Variants in ZNF804B observed in about 807,000 individuals in gnomAD.
ZNF804B encodes zinc finger protein 804B.
In ZNF804B, 80 loss-of-function variants were observed where a neutral mutation model predicts 101.4. The observed-to-expected ratio is 0.79, with a 90% CI of 0.66 to 0.95. The LOEUF is 0.95. Among genes scored for constraint, ZNF804B ranks in the 40% least tolerant of loss-of-function variants. ZNF804B has a pLI of 0.00. For missense variants in ZNF804B, 1,673 were observed against 1,561.9 expected (o/e 1.07, Z -1.20); for synonymous variants, 622 against 558.8 (o/e 1.11, Z -1.59).
chr7:89,304,559 G>T (rs1051598540), intron 2 of ZNF804B, among the ~76,000 whole-genome samples: 1 of 150,638 alleles, frequency 6.6e-6, no homozygotes, highest in African/African-American at 2.4e-5. Flanking sequence ...GTGTCTATCT[G>T]TGTAGACATA....
At chr7:88,775,547 T>G (rs1276922826) in intron 1 of ZNF804B, among the ~76,000 whole-genome samples, 1 of 152,230 alleles carries the variant, frequency 6.6e-6, no homozygotes, top group African/African-American at 2.4e-5. Context: ...CCATGACTTT[T>G]TTGTTGTTGT....
At chr7:88,835,675 T>C (rs910515274) in intron 1 of ZNF804B, among the ~76,000 whole-genome samples, 2 of 151,904 alleles carry the variant, frequency 1.3e-5, no homozygotes, top group Non-Finnish European at 2.9e-5. Flanking sequence ...ACTTCGATAG[T>C]AGATATTTGC....
intron 1 of ZNF804B, among the ~76,000 whole-genome samples, chr7:88,810,190 C>T (rs932214000): frequency 6.6e-6 from 1 of 151,876 alleles, no homozygotes; most frequent in Admixed American, 6.6e-5. Context: ...GTTGCACACT[C>T]TCACTCACAC....
intron 1 of ZNF804B, among the ~76,000 whole-genome samples, chr7:88,845,779 T>C (rs1429524521): frequency 6.6e-6 from 1 of 152,202 alleles, no homozygotes; most frequent in African/African-American, 2.4e-5. Flanking sequence ...AGTTTGCAAC[T>C]GATTGCTGGT....
chr7:88,792,503 A>T (rs1313007088), intron 1 of ZNF804B, among the ~76,000 whole-genome samples: 1 of 151,974 alleles, frequency 6.6e-6, no homozygotes, highest in Non-Finnish European at 1.5e-5. Flanking sequence ...CTCCCAAACC[A>T]CTTTCACATT....
chr7:89,146,602 T>C (rs1009327352), intron 1 of ZNF804B, among the ~76,000 whole-genome samples: 2 of 152,044 alleles, frequency 1.3e-5, no homozygotes, highest in Non-Finnish European at 2.9e-5. Flanking sequence ...AGAAGTTCTT[T>C]CAGCTTTCCT....
chr7:89,052,072 A>G (rs1789214777), intron 1 of ZNF804B, among the ~76,000 whole-genome samples: 2 of 152,136 alleles, frequency 1.3e-5, no homozygotes, highest in East Asian at 1.9e-4. Context: ...TGGATTATGC[A>G]TTTTCTTTCA....
intron 2 of ZNF804B, among the ~76,000 whole-genome samples, chr7:89,254,269 ATAT>A (rs1789590648): frequency 6.6e-6 from 1 of 152,140 alleles, no homozygotes; most frequent in Non-Finnish European, 1.5e-5. Context: ...TACTAGATAA[ATAT>A]TAATATTCAG....
chr7:89,223,355 C>A (rs894741436), intron 2 of ZNF804B, among the ~76,000 whole-genome samples: 14 of 151,836 alleles, frequency 9.2e-5, no homozygotes, highest in Middle Eastern at 6.3e-3. Context: ...GCTTTTCCTT[C>A]ATTCATGTAT....
At chr7:89,029,080 C>A (rs1228778981) in intron 1 of ZNF804B, among the ~76,000 whole-genome samples, 1 of 152,010 alleles carries the variant, frequency 6.6e-6, no homozygotes, top group East Asian at 1.9e-4. Flanking sequence ...TGAATAATAG[C>A]TGAATGTTTT....
At chr7:89,097,769 G>C (rs1251944967) in intron 1 of ZNF804B, among the ~76,000 whole-genome samples, 2 of 152,104 alleles carry the variant, frequency 1.3e-5, no homozygotes, top group African/African-American at 2.4e-5. Context: ...ATTTGTGAGA[G>C]GGTTTCTTGA....
intron 1 of ZNF804B, among the ~76,000 whole-genome samples, chr7:89,048,693 G>T (rs1351249712): frequency 2.0e-5 from 3 of 151,840 alleles, no homozygotes; most frequent in African/African-American, 4.9e-5. Flanking sequence ...ATTATGTAAA[G>T]ATTATAGAGA....
chr7:89,276,791 T>C (rs1338547097), intron 2 of ZNF804B, among the ~76,000 whole-genome samples: 1 of 151,920 alleles, frequency 6.6e-6, no homozygotes, highest in African/African-American at 2.4e-5. Flanking sequence ...TATATCATTT[T>C]AAACTTAATC....
At chr7:89,128,430 C>T (rs1790504029) in intron 1 of ZNF804B, among the ~76,000 whole-genome samples, 1 of 151,874 alleles carries the variant, frequency 6.6e-6, no homozygotes, top group Admixed American at 6.6e-5. Context: ...AAAATAAATA[C>T]ATTAATTTGA....
chr7:88,760,899 TA>T (rs1789885144), intron 1 of ZNF804B, among the ~76,000 whole-genome samples: 1 of 92,508 alleles, frequency 1.1e-5, no homozygotes, highest in African/African-American at 6.3e-5. Flanking sequence ...ATATATATAA[TA>T]AATATATATA....
chr7:89,335,382 A>G lies in ZNF804B; in HGVS notation c.2400A>G (p.Arg800=). 6.2e-7 allele frequency: 1 copy of G among 1,613,772 alleles called. No homozygotes were observed. Among genetic ancestry groups the G allele is most frequent in the Non-Finnish European group, 8.5e-7 (1 of 1,179,930 alleles). Residue 800 remains arginine (R), a synonymous_variant, in exon 4 of 4, where the codon AGA becomes AGG. Transcript: ENST00000333190. ...SFKNEKYSKR[R]YCHCRERQKL... is the part of the protein sequence containing the mutation. The stretch of plus-strand genomic sequence containing the variant: ...AAAATGAAAAATACTCAAAACGTAG[A>G]TATTGTCACTGCAGAGAAAGACAAA...
At chr7:89,286,286 A>AAAG (rs956206851) in intron 2 of ZNF804B, among the ~76,000 whole-genome samples, 7 of 152,134 alleles carry the variant, frequency 4.6e-5, no homozygotes, top group Non-Finnish European at 7.4e-5. Context: ...TCTCAAAAGA[A>AAAG]AAGAAGAAGA....
intron 1 of ZNF804B, among the ~76,000 whole-genome samples, chr7:89,198,135 A>T (rs1252531499): frequency 1.3e-5 from 2 of 151,838 alleles, no homozygotes; most frequent in Admixed American, 1.3e-4. Flanking sequence ...TTTTATTGCA[A>T]TACTAGCTTG....
intron 1 of ZNF804B, among the ~76,000 whole-genome samples, chr7:88,961,433 G>A (rs1198359975): frequency 2.0e-5 from 3 of 151,338 alleles, no homozygotes; most frequent in Non-Finnish European, 4.4e-5. Context: ...ATTGATTGCT[G>A]TCCTGCACTT....
Sources: gnomAD v4.1 joint callset for allele counts (sites outside exome capture counted in the v4.1 genomes callset) on GRCh38, gnomAD v4.1.1 for gene constraint, MANE v1.5 for transcripts, NCBI Gene and HGNC (gene_info 2026-07-23, HGNC 2026-07-21) for gene names.